Variants in IL7R observed in about 807,000 individuals in gnomAD.
IL7R encodes interleukin 7 receptor.
A neutral mutation model predicts 47.0 loss-of-function variants in IL7R; 38 were observed. That is an observed-to-expected ratio of 0.81 (90% CI 0.62 to 1.06). The LOEUF is 1.06. Ranked by LOEUF, IL7R falls within the 50% of genes least tolerant of loss-of-function variation. The probability of loss-of-function intolerance (pLI) is 0.00; values close to 1 mark genes in which losing one functional copy is unlikely to be tolerated. For missense variants in IL7R, 633 were observed against 534.8 expected (o/e 1.18, Z -1.81); for synonymous variants, 221 against 199.8 (o/e 1.11, Z -0.89).
chr5:35,870,712 A>C (rs10063445), intron 3 of IL7R, among the ~76,000 whole-genome samples: 108,483 of 152,090 alleles, frequency 0.71, 39,722 homozygotes, highest in African/African-American at 0.87. Flanking sequence ...CAGCAGTATT[A>C]GGGGCACTTT....
In IL7R at chr5:35,871,047, C is replaced by G; in HGVS notation, c.380-9C>G. 6.2e-7 allele frequency: 1 copy of G among 1,611,098 alleles called. No homozygotes were observed. The highest frequency in any genetic ancestry group is 8.5e-7 in the Non-Finnish European group (1 of 1,177,354). ...CTTTAGACAGAATTTATTTCTTTTTCTTTTCCAGTTAAACCTGAGGCTCCT... is the reference window on the plus strand; with the variant it reads ...CTTTAGACAGAATTTATTTCTTTTTGTTTTCCAGTTAAACCTGAGGCTCCT... On this transcript the variant is annotated splice_polypyrimidine_tract_variant and intron_variant, in intron 3 of 7. Coordinates refer to ENST00000303115, the MANE Select transcript of IL7R (RefSeq NM_002185.5).
At chr5:35,869,402 G>C (rs1184853859) in intron 3 of IL7R, among the ~76,000 whole-genome samples, 1 of 152,146 alleles carries the variant, frequency 6.6e-6, no homozygotes, top group African/African-American at 2.4e-5. Context: ...GAGGAAAACT[G>C]TCCAGAGGGC....
At position 35,879,406 on chromosome 5, in the gene IL7R, A is replaced by T. The variant is rs1760297273; in HGVS notation, c.*2920A>T. The T allele has an allele frequency of 4.3e-6, 1 of 232,820 alleles. No individual in the cohort carries two copies. The highest frequency in any genetic ancestry group is 2.2e-5 in the African/African-American group (1 of 45,332). The allele number at this position is 232,820 out of a possible 1,614,324, so 14.4% of individuals were successfully genotyped here. On this transcript the variant is annotated 3_prime_UTR_variant, in exon 8 of 8. Transcript: ENST00000303115. ...AGAGCTCCTGGAAATGATGCAGATT[A>T]GGTGGCATTTTTGTCAGCTCTGTGG... is the stretch of plus-strand genomic sequence containing the variant.
intron 1 of IL7R, among the ~76,000 whole-genome samples, chr5:35,858,258 A>G (rs955700833): frequency 6.6e-6 from 1 of 152,186 alleles, no homozygotes; most frequent in Non-Finnish European, 1.5e-5. Flanking sequence ...AAGATGTATA[A>G]TTACCCTATT....
intron 2 of IL7R, among the ~76,000 whole-genome samples, chr5:35,863,069 A>G (rs1759857037): frequency 6.6e-6 from 1 of 152,040 alleles, no homozygotes; most frequent in Non-Finnish European, 1.5e-5. Flanking sequence ...TATCTACCCC[A>G]ACAAGGAACA....
At chr5:35,859,883 G>A (rs992840016) in intron 1 of IL7R, among the ~76,000 whole-genome samples, 12 of 152,052 alleles carry the variant, frequency 7.9e-5, no homozygotes, top group African/African-American at 2.9e-4. Flanking sequence ...CTCTGAGAAT[G>A]GCTTTGCTTA....
chr5:35,867,351 A>G lies in IL7R; in HGVS notation c.267A>G (p.Gln89=). ...EVKCLNFRKL[Q]EIYFIETKKF... ...AGTGCCTGAATTTCAGGAAACTACA[A>G]GAGATATATTTCATCGAGACAAAGA... The change falls in exon 3 of 8, where the codon CAA becomes CAG. Residue 89 remains glutamine (Q), a synonymous_variant. Transcript: ENST00000303115. The G allele has an allele frequency of 6.2e-7, 1 of 1,613,202 alleles. No individual in the cohort carries two copies. Among genetic ancestry groups the G allele is most frequent in the Non-Finnish European group, 8.5e-7 (1 of 1,179,198 alleles).
chr5:35,863,680 A>G lies in IL7R; in HGVS notation c.221+2690A>G, dbSNP rs1419236175. 3.9e-5 allele frequency among the ~76,000 whole-genome samples: 6 copies of G among 152,320 alleles called. No individual in the cohort carries two copies. In the East Asian group the frequency reaches 1.2e-3, roughly 29 times the overall value. Reference sequence around the variant, plus strand: ...CAATTTGACCCAGTTATACCTCTTTAGAGCTATTTGGCTGAGCTTAAACAG... The same window carrying G: ...CAATTTGACCCAGTTATACCTCTTTGGAGCTATTTGGCTGAGCTTAAACAG... On this transcript the variant is annotated intron_variant, in intron 2 of 7. Transcript: ENST00000303115.
chr5:35,878,915 T>C lies in IL7R; in HGVS notation c.*2429T>C, dbSNP rs548166315. 233 of 232,982 alleles carry C rather than the reference T, an allele frequency of 1.0e-3. No individual in the cohort carries two copies. The highest frequency in any genetic ancestry group is 4.7e-3 in the African/African-American group (214 of 45,440). 14.4% of individuals were successfully genotyped at this position (232,982 alleles called of 1,614,324 possible). A position where few individuals can be genotyped will look rare whatever the true frequency, so the allele number is the denominator to read the frequency against. ...CAATGTTGTTTGGCATATGTTATCTTTGGAATTTAGTGTCTGAGCCTCTGT... is the reference window on the plus strand; with the variant it reads ...CAATGTTGTTTGGCATATGTTATCTCTGGAATTTAGTGTCTGAGCCTCTGT... On this transcript the variant is annotated 3_prime_UTR_variant, in exon 8 of 8. Coordinates refer to ENST00000303115, the MANE Select transcript of IL7R (RefSeq NM_002185.5).
At chr5:35,864,082 T>C (rs1561420143) in intron 2 of IL7R, among the ~76,000 whole-genome samples, 3 of 152,154 alleles carry the variant, frequency 2.0e-5, no homozygotes. Context: ...CTCAATTCTA[T>C]TACCCTTTGG....
At position 35,867,374 on chromosome 5, in the gene IL7R, A is replaced by G. The variant is rs773973629; in HGVS notation, c.290A>G (p.Lys97Arg). ...CAAGAGATATATTTCATCGAGACAA[A>G]GAAATTCTTACTGATTGGAAAGAGC... Reference protein sequence around the residue: ...KLQEIYFIETKKFLLIGKSNI... With the variant: ...KLQEIYFIETRKFLLIGKSNI... Residue 97 changes from lysine to arginine, a missense_variant, in exon 3 of 8, where the codon AAG becomes AGG. By Grantham distance (26) the Lys-to-Arg change is conservative. Coordinates refer to ENST00000303115, the MANE Select transcript of IL7R (RefSeq NM_002185.5). 2 of 1,613,562 alleles carry G rather than the reference A, an allele frequency of 1.2e-6. No homozygotes were observed. The highest frequency in any genetic ancestry group is 1.7e-6 in the Non-Finnish European group (2 of 1,179,528).
chr5:35,866,697 A>T (rs965744286), intron 2 of IL7R, among the ~76,000 whole-genome samples: 3 of 152,122 alleles, frequency 2.0e-5, no homozygotes, highest in African/African-American at 7.2e-5. Flanking sequence ...AGCATTTAAA[A>T]TTTCCTTATT....
rs1473841115 is a variant in IL7R, at chr5:35,874,532, T to C, written c.790T>C (p.Trp264Arg). 1.2e-6 allele frequency: 2 copies of C among 1,611,856 alleles called. No individual in the cohort carries two copies. Among genetic ancestry groups the C allele is most frequent in the Non-Finnish European group, 1.7e-6 (2 of 1,177,986 alleles). The change falls in exon 6 of 8, where the codon TGG becomes CGG. Residue 264 changes from tryptophan to arginine, a missense_variant. Transcript: ENST00000303115. ...ALLVILACVL[W>R]KKRIKPIVWP... The stretch of plus-strand genomic sequence containing the variant: ...GTTGGTCATCTTGGCCTGTGTGTTA[T>C]GGAAAAAAAGGTGACCTTCTTCAAC...
chr5:35,867,560 A>G, intron 3 of IL7R, 97 bp downstream of exon 3: 1 of 940,092 alleles, frequency 1.1e-6, no homozygotes, highest in Non-Finnish European at 1.7e-6. Context: ...CAAATAGTGG[A>G]AACAACTGGC....
At chr5:35,867,509 T>G in intron 3 of IL7R, 46 bp downstream of exon 3, 1 of 1,468,006 alleles carries the variant, frequency 6.8e-7, no homozygotes, top group South Asian at 1.1e-5. Flanking sequence ...TTGGGCTACC[T>G]GAAAACACTG....
rs1315879042 is a variant in IL7R at position 35,878,350 on chromosome 5, CA to C, written c.*1865del. On this transcript the variant is annotated 3_prime_UTR_variant, in exon 8 of 8. Transcript: ENST00000303115. Reference sequence around the variant, plus strand: ...TACATGTCAATCATACTGTTAGGCACAGGGGACCTAAAGACACATAAAAGGA... The same window carrying C: ...TACATGTCAATCATACTGTTAGGCACGGGGACCTAAAGACACATAAAAGGA... The C allele has an allele frequency of 4.3e-6, 1 of 232,986 alleles. No homozygotes were observed. Among genetic ancestry groups the C allele is most frequent in the East Asian group, 6.0e-5 (1 of 16,584 alleles). The allele number at this position is 232,986 out of a possible 1,614,324, so 14.4% of individuals were successfully genotyped here. A position where few individuals can be genotyped will look rare whatever the true frequency, so the allele number is the denominator to read the frequency against.
At position 35,876,065 on chromosome 5, in the gene IL7R, T is replaced by G. The variant is rs140979277; in HGVS notation, c.959T>G (p.Val320Gly). 1.9e-6 allele frequency: 3 copies of G among 1,614,082 alleles called. No homozygotes were observed. The highest frequency in any genetic ancestry group is 2.5e-6 in the Non-Finnish European group (3 of 1,180,004). The change falls in exon 8 of 8, where the codon GTG becomes GGG. Residue 320 changes from valine (V) to glycine (G), a missense_variant. Val to Gly is a moderately radical substitution (Grantham distance 109). Coordinates refer to ENST00000303115, the MANE Select transcript of IL7R (RefSeq NM_002185.5). The stretch of plus-strand genomic sequence containing the variant: ...GATGACATTCAAGCTAGAGATGAAG[T>G]GGAAGGTTTTCTGCAAGATACGTTT... ...RVDDIQARDEVEGFLQDTFPQ... is the reference protein window; with the variant it reads ...RVDDIQARDEGEGFLQDTFPQ...
rs532953595 is a variant in IL7R, at chr5:35,873,994, C to T, written c.706+346C>T. Among the ~76,000 whole-genome samples the T allele has an allele frequency of 2.0e-5, 3 of 152,262 alleles. No individual in the cohort carries two copies. In the South Asian group the frequency reaches 6.2e-4, roughly 32 times the overall value. ...GTCTCTAAGGCCCCTTTAAGAAGCA[C>T]CTTTATTGGTGTCAGGTATGCAGGC... On this transcript the variant is annotated intron_variant, in intron 5 of 7. Coordinates refer to ENST00000303115, the MANE Select transcript of IL7R (RefSeq NM_002185.5).
At chr5:35,864,498 T>C (rs770784794) in intron 2 of IL7R, among the ~76,000 whole-genome samples, 10 of 152,192 alleles carry the variant, frequency 6.6e-5, no homozygotes, top group South Asian at 2.1e-4. Flanking sequence ...CTTCCAGCGA[T>C]GCATGAGAGA....
Sources: gnomAD v4.1 joint callset for allele counts (sites outside exome capture counted in the v4.1 genomes callset) on GRCh38, gnomAD v4.1.1 for gene constraint, MANE v1.5 for transcripts, NCBI Gene and HGNC (gene_info 2026-07-23, HGNC 2026-07-21) for gene names.